Variants in HMGA2 observed in about 807,000 individuals in gnomAD.
HMGA2 encodes the protein high mobility group AT-hook 2, also known as high mobility group protein HMGI-C.
HMGA2 carries 8 observed loss-of-function variants against 19.1 expected under a neutral mutation model. The ratio of observed to expected loss-of-function variants is 0.42; its 90% CI spans 0.25 to 0.76. The LOEUF is 0.76. Among genes scored for constraint, HMGA2 ranks in the 30% least tolerant of loss-of-function variants. The pLI is 0.28. For synonymous variants in HMGA2, 60 were observed against 48.8 expected, an observed-to-expected ratio of 1.23 and a Z score of -0.96; for missense variants, 109 against 136.3, an observed-to-expected ratio of 0.80 and a Z score of 1.00.
chr12:65,899,975 G>A (rs542324406), intron 3 of HMGA2, among the ~76,000 whole-genome samples: 2 of 152,276 alleles, frequency 1.3e-5, no homozygotes, highest in South Asian at 4.1e-4. Flanking sequence ...AATCAAAAGA[G>A]GAGGGAAACC....
intron 3 of HMGA2, among the ~76,000 whole-genome samples, chr12:65,944,081 G>C (rs1411005984): frequency 6.6e-6 from 1 of 152,152 alleles, no homozygotes; most frequent in Non-Finnish European, 1.5e-5. Flanking sequence ...ATCAACATTT[G>C]ATCTGAAATA....
chr12:65,884,315 A>T (rs1212576107), intron 3 of HMGA2, among the ~76,000 whole-genome samples: 1 of 152,240 alleles, frequency 6.6e-6, no homozygotes, highest in Non-Finnish European at 1.5e-5. Flanking sequence ...CAGATTAGAG[A>T]TGCTGAAGAG....
chr12:65,939,175 C>T (rs1176170993), intron 3 of HMGA2, among the ~76,000 whole-genome samples: 2 of 152,134 alleles, frequency 1.3e-5, no homozygotes, highest in East Asian at 3.9e-4. Flanking sequence ...GCCAATTTCC[C>T]TGCTTTGGGA....
At chr12:65,946,616 A>C (rs953772858) in intron 3 of HMGA2, among the ~76,000 whole-genome samples, 5 of 152,168 alleles carry the variant, frequency 3.3e-5, no homozygotes, top group Non-Finnish European at 7.3e-5. Context: ...ATTTTCTTTC[A>C]ATACCTACCA....
intron 3 of HMGA2, among the ~76,000 whole-genome samples, chr12:65,861,360 C>G (rs527610476): frequency 6.6e-6 from 1 of 151,688 alleles, no homozygotes; most frequent in African/African-American, 2.4e-5. Context: ...AGCAAGACTC[C>G]GTCTCAAAAC....
At chr12:65,847,218 A>G (rs1871268207) in intron 3 of HMGA2, among the ~76,000 whole-genome samples, 1 of 152,182 alleles carries the variant, frequency 6.6e-6, no homozygotes, top group African/African-American at 2.4e-5. Flanking sequence ...GATTTGATTT[A>G]TCAAAGTAGT....
chr12:65,924,472 C>T (rs956866975), intron 3 of HMGA2, among the ~76,000 whole-genome samples: 2 of 152,102 alleles, frequency 1.3e-5, no homozygotes, highest in African/African-American at 4.8e-5. Flanking sequence ...CACACAGACA[C>T]ACACATCCCT....
chr12:65,875,188 T>C (rs78396352), intron 3 of HMGA2, among the ~76,000 whole-genome samples: 3,844 of 152,318 alleles, frequency 0.025, 173 homozygotes, highest in African/African-American at 0.088. Flanking sequence ...TGAGAAAATA[T>C]ACTGACAGTG....
rs554283104 is a variant in HMGA2 at position 65,947,209 on chromosome 12, T to G, written c.250-4174T>G. On this transcript the variant is annotated intron_variant, in intron 3 of 4. Coordinates refer to ENST00000403681, the MANE Select transcript of HMGA2 (RefSeq NM_003483.6). ...ATCATAGCTTACTGCAGCCATAACC[T>G]CCTAGGCTCAAGCAATCCTCCCACC... Among the ~76,000 whole-genome samples the G allele has an allele frequency of 6.6e-3, 1,004 of 151,644 alleles. 8 individuals are homozygous for G. Among genetic ancestry groups the G allele is most frequent in the Non-Finnish European group, 0.012 (818 of 67,930 alleles).
chr12:65,876,860 C>G (rs1873064361), intron 3 of HMGA2: 1 of 152,346 alleles, frequency 6.6e-6, no homozygotes, highest in Admixed American at 6.5e-5. Context: ...ACAGAAGGAA[C>G]AGAACTTGTC....
chr12:65,865,289 G>T (rs1036487288), intron 3 of HMGA2, among the ~76,000 whole-genome samples: 9 of 152,032 alleles, frequency 5.9e-5, no homozygotes, highest in Non-Finnish European at 1.3e-4. Context: ...GATTTTTGTT[G>T]GATTTCTGAC....
chr12:65,854,997 T>C lies in HMGA2; in HGVS notation c.249+16428T>C, dbSNP rs151143548. Among the ~76,000 whole-genome samples, 37 of 152,326 alleles carry C rather than the reference T, an allele frequency of 2.4e-4. 1 individual carries two copies. In the East Asian group the frequency reaches 5.8e-3, roughly 24 times the overall value. On this transcript the variant is annotated intron_variant, in intron 3 of 4. Coordinates refer to ENST00000403681, the MANE Select transcript of HMGA2 (RefSeq NM_003483.6). ...GCTTGCCTGAAGTAACTTACACTTT[T>C]GTACTGCATTCAGAGTTCTGCCAAC...
Position 65,963,011 on chromosome 12 carries a change from T to C in HMGA2, c.283-234T>C, listed in dbSNP as rs937084232. On this transcript the variant is annotated intron_variant, in intron 4 of 4. Coordinates refer to ENST00000403681, the MANE Select transcript of HMGA2 (RefSeq NM_003483.6). ...AATTGAATTTGCTGACCAGCCGCCA[T>C]GATGTCAAGCCTTAAGTCAACAGTG... 2.0e-5 allele frequency among the ~76,000 whole-genome samples: 3 copies of C among 152,242 alleles called. No individual in the cohort carries two copies. In the East Asian group the frequency reaches 5.8e-4, roughly 30 times the overall value.
At chr12:65,903,886 A>G (rs1831565966) in intron 3 of HMGA2, among the ~76,000 whole-genome samples, 2 of 152,182 alleles carry the variant, frequency 1.3e-5, no homozygotes, top group Non-Finnish European at 2.9e-5. Flanking sequence ...ATGAAATAAG[A>G]CCCAACACTG....
At position 65,966,026 on chromosome 12, in the gene HMGA2, AG is replaced by A. The variant is rs1224142097; in HGVS notation, c.*2736del. The A allele has an allele frequency of 4.5e-6, 1 of 221,236 alleles. No individual in the cohort carries two copies. Among genetic ancestry groups the A allele is most frequent in the East Asian group, 6.6e-5 (1 of 15,190 alleles). The allele number at this position is 221,236 out of a possible 1,614,324, so 13.7% of individuals were successfully genotyped here. A position where few individuals can be genotyped will look rare whatever the true frequency, so the allele number is the denominator to read the frequency against. On this transcript the variant is annotated 3_prime_UTR_variant, in exon 5 of 5. Coordinates refer to ENST00000403681, the MANE Select transcript of HMGA2 (RefSeq NM_003483.6). ...ATTTCTGCAAGTTAGGTATGTTTGCAGGAGAAAAGTATCAAGACGTTTAACT... is the reference window on the plus strand; with the variant it reads ...ATTTCTGCAAGTTAGGTATGTTTGCAGAGAAAAGTATCAAGACGTTTAACT...
At chr12:65,849,597 G>C (rs1208738719) in intron 3 of HMGA2, among the ~76,000 whole-genome samples, 1 of 151,922 alleles carries the variant, frequency 6.6e-6, no homozygotes, top group Non-Finnish European at 1.5e-5. Flanking sequence ...CTCATTCCCA[G>C]TCCTAATTCT....
chr12:65,927,657 T>G lies in HMGA2; in HGVS notation c.250-23726T>G, dbSNP rs1444556627. ...GTAGCTAATTATTAGAAGCAGGAAA[T>G]GGGTTAGAAACCAGAACCCTGATTT... is the stretch of plus-strand genomic sequence containing the variant. On this transcript the variant is annotated intron_variant, in intron 3 of 4. Coordinates refer to ENST00000403681, the MANE Select transcript of HMGA2 (RefSeq NM_003483.6). Among the ~76,000 whole-genome samples, 4 of 152,188 alleles carry G rather than the reference T, an allele frequency of 2.6e-5. No homozygotes were observed. The East Asian group carries it at 7.7e-4, about 29-fold the overall frequency.
chr12:65,928,207 A>G (rs1400887003), intron 3 of HMGA2, among the ~76,000 whole-genome samples: 1 of 152,124 alleles, frequency 6.6e-6, no homozygotes, highest in Admixed American at 6.6e-5. Context: ...CTGTACTGAA[A>G]CTGTAGGCAA....
At chr12:65,848,809 T>C (rs928429675) in intron 3 of HMGA2, among the ~76,000 whole-genome samples, 3 of 152,094 alleles carry the variant, frequency 2.0e-5, no homozygotes, top group East Asian at 3.9e-4. Flanking sequence ...TGAGCCGAGA[T>C]TGCGCCACTG....
Sources: gnomAD v4.1 joint callset for allele counts (sites outside exome capture counted in the v4.1 genomes callset) on GRCh38, gnomAD v4.1.1 for gene constraint, MANE v1.5 for transcripts, NCBI Gene and HGNC (gene_info 2026-07-23, HGNC 2026-07-21) for gene names.